Variants in FAM110C observed in about 807,000 individuals in gnomAD.
FAM110C encodes the protein family with sequence similarity 110 member C, also known as protein FAM110C.
Under a neutral mutation model 15.7 loss-of-function variants are expected in FAM110C, and 19 were observed. The ratio of observed to expected loss-of-function variants is 1.21; its 90% confidence interval spans 0.85 to 1.78. The LOEUF (loss-of-function observed/expected upper bound fraction) is 1.78. FAM110C is among the 40% of genes most tolerant of loss of function. FAM110C has a pLI of 0.00. For missense variants in FAM110C, 547 were observed against 495.7 expected (o/e 1.10, Z -0.98); for synonymous variants, 275 against 233.9 (o/e 1.18, Z -1.61).
At chr2:44,405 C>A (rs1664220263) in intron 1 of FAM110C, 1 of 985,294 alleles carries the variant, frequency 1.0e-6, no homozygotes, top group Non-Finnish European at 1.2e-6. Context: ...ATCTCTTGGG[C>A]AGCCTCCCCC....
chr2:45,130 T>G, intron 1 of FAM110C: 1 of 985,432 alleles, frequency 1.0e-6, no homozygotes, highest in Non-Finnish European at 1.2e-6. Context: ...TTTGGATTTC[T>G]CCTGTTTTCA....
chr2:44,887 T>C, intron 1 of FAM110C: 1 of 985,442 alleles, frequency 1.0e-6, no homozygotes, highest in Non-Finnish European at 1.2e-6. Context: ...TACAAGATCC[T>C]GTGGAGAAGT....
intron 1 of FAM110C, chr2:43,272 G>T: frequency 4.1e-6 from 4 of 985,316 alleles, no homozygotes; most frequent in Non-Finnish European, 4.8e-6. Context: ...TAAAAACTGG[G>T]GTAGCTTCTG....
Position 46,374 on chromosome 2 carries a change from C to A in FAM110C, c.12G>T (p.Leu4=). Residue 4 remains leucine, a synonymous_variant, in exon 1 of 2, where the codon CTG becomes CTT. Coordinates refer to ENST00000327669, the MANE Select transcript of FAM110C (RefSeq NM_001077710.3). MRA[L]AALSAPPNER... ...CGTTCGGGGGCGCGCTCAGGGCCGCCAGGGCGCGCATCTTCGCGGGGAATG... is the reference window on the plus strand; with the variant it reads ...CGTTCGGGGGCGCGCTCAGGGCCGCAAGGGCGCGCATCTTCGCGGGGAATG... 1 of 1,297,156 alleles carries A rather than the reference C, an allele frequency of 7.7e-7. No homozygotes were observed. Among genetic ancestry groups the A allele is most frequent in the Non-Finnish European group, 9.8e-7 (1 of 1,024,746 alleles). 80.4% of individuals were successfully genotyped at this position (1,297,156 alleles called of 1,614,324 possible). A position where few individuals can be genotyped will look rare whatever the true frequency, so the allele number is the denominator to read the frequency against.
chr2:44,782 C>T (rs1664230677), intron 1 of FAM110C: 1 of 985,348 alleles, frequency 1.0e-6, no homozygotes, highest in Non-Finnish European at 1.2e-6. Context: ...CAATCTAGTC[C>T]AATTTCCCCA....
rs1184705810 is a variant in FAM110C at position 41,561 on chromosome 2, G to A, written c.*47C>T. On this transcript the variant is annotated 3_prime_UTR_variant, in exon 2 of 2. Coordinates refer to ENST00000327669, the MANE Select transcript of FAM110C (RefSeq NM_001077710.3). The stretch of plus-strand genomic sequence containing the variant: ...GGTCACCTAGGCACACTAGCCAAAT[G>A]GTCCTGGGATCCCAAATCACCCATG... 3.7e-6 allele frequency: 6 copies of A among 1,610,474 alleles called. No homozygotes were observed. Among genetic ancestry groups the A allele is most frequent in the Non-Finnish European group, 4.2e-6 (5 of 1,178,334 alleles).
At position 41,530 on chromosome 2, in the gene FAM110C, T is replaced by C. The variant is rs931845776; in HGVS notation, c.*78A>G. On this transcript the variant is annotated 3_prime_UTR_variant, in exon 2 of 2. Coordinates refer to ENST00000327669, the MANE Select transcript of FAM110C (RefSeq NM_001077710.3). Reference sequence around the variant, plus strand: ...TGCTGCATTCCTGGTAAAACAGCAATCATGTGGTCACCTAGGCACACTAGC... The same window carrying C: ...TGCTGCATTCCTGGTAAAACAGCAACCATGTGGTCACCTAGGCACACTAGC... 3.3e-6 allele frequency: 5 copies of C among 1,529,074 alleles called. No individual in the cohort carries two copies. The African/African-American group carries it at 6.9e-5, about 21-fold the overall frequency. The allele number at this position is 1,529,074 out of a possible 1,614,324, so 94.7% of individuals were successfully genotyped here. A position where few individuals can be genotyped will look rare whatever the true frequency, so the allele number is the denominator to read the frequency against.
chr2:45,238 G>T (rs2103272326), intron 1 of FAM110C: 1 of 985,438 alleles, frequency 1.0e-6, no homozygotes, highest in South Asian at 4.7e-5. Flanking sequence ...CAGGTGCCTG[G>T]ATTGGTACCT....
At chr2:42,168 G>A in intron 1 of FAM110C, 3 of 985,396 alleles carry the variant, frequency 3.0e-6, no homozygotes, top group Non-Finnish European at 3.6e-6. Flanking sequence ...AAAGAAGAAA[G>A]GAAAAGAAAG....
At position 39,688 on chromosome 2, in the gene FAM110C, C is replaced by A. The variant is rs535926700; in HGVS notation, c.*1920G>T. On this transcript the variant is annotated 3_prime_UTR_variant, in exon 2 of 2. Coordinates refer to ENST00000327669, the MANE Select transcript of FAM110C (RefSeq NM_001077710.3). ...AACCATTTGGTTTTTACATTTTTCA[C>A]CTATGATATGAATGATGAGTCTGCA... The A allele has an allele frequency of 9.2e-5, 14 of 152,242 alleles. No individual in the cohort carries two copies. The East Asian group carries it at 2.5e-3, about 27-fold the overall frequency. 9.4% of individuals were successfully genotyped at this position (152,242 alleles called of 1,614,324 possible).
At chr2:43,606 T>G in intron 1 of FAM110C, 1 of 985,476 alleles carries the variant, frequency 1.0e-6, no homozygotes, top group Non-Finnish European at 1.2e-6. Flanking sequence ...GGTCACTCTT[T>G]TGACATTGGC....
rs940354272 is a variant in FAM110C at position 41,580 on chromosome 2, A to G, written c.*28T>C. 3.1e-6 allele frequency: 5 copies of G among 1,613,550 alleles called. No homozygotes were observed. Among genetic ancestry groups the G allele is most frequent in the Non-Finnish European group, 4.2e-6 (5 of 1,179,808 alleles). On this transcript the variant is annotated 3_prime_UTR_variant, in exon 2 of 2. Transcript: ENST00000327669. ...CCAAATGGTCCTGGGATCCCAAATC[A>G]CCCATGAAATCCTTCAAGAAGTCTT...
rs1185720605 is a variant in FAM110C at position 40,254 on chromosome 2, A to G, written c.*1354T>C. On this transcript the variant is annotated 3_prime_UTR_variant, in exon 2 of 2. Transcript: ENST00000327669. ...TAAAAATAAATATCTAAGTAACCCAATGACCTACTCTCACGGTAAAATAGT... is the reference window on the plus strand; with the variant it reads ...TAAAAATAAATATCTAAGTAACCCAGTGACCTACTCTCACGGTAAAATAGT... 6.6e-6 allele frequency: 1 copy of G among 152,244 alleles called. No individual in the cohort carries two copies. Among genetic ancestry groups the G allele is most frequent in the Non-Finnish European group, 1.5e-5 (1 of 68,044 alleles). 9.4% of individuals were successfully genotyped at this position (152,244 alleles called of 1,614,324 possible). A position where few individuals can be genotyped will look rare whatever the true frequency, so the allele number is the denominator to read the frequency against.
intron 1 of FAM110C, chr2:42,439 G>T: frequency 2.0e-6 from 1 of 496,128 alleles, no homozygotes; most frequent in Non-Finnish European, 2.6e-6. Flanking sequence ...AAACCAGAAA[G>T]ATCTAAATTT....
In FAM110C at chr2:43,268, C is replaced by A. The variant is rs1299953325; in HGVS notation, c.947-1641G>T. ...GGTGACTGCCAATTCCATATAAAAACTGGGGTAGCTTCTGTGGGACTGTAC... is the reference window on the plus strand; with the variant it reads ...GGTGACTGCCAATTCCATATAAAAAATGGGGTAGCTTCTGTGGGACTGTAC... On this transcript the variant is annotated intron_variant, in intron 1 of 1. Coordinates refer to ENST00000327669, the MANE Select transcript of FAM110C (RefSeq NM_001077710.3). 6 of 985,258 alleles carry A rather than the reference C, an allele frequency of 6.1e-6. No homozygotes were observed. The African/African-American group carries it at 1.0e-4, about 17-fold the overall frequency. 61.0% of individuals were successfully genotyped at this position (985,258 alleles called of 1,614,324 possible).
At position 41,536 on chromosome 2, in the gene FAM110C, G is replaced by A; in HGVS notation, c.*72C>T. 1.9e-6 allele frequency: 3 copies of A among 1,546,004 alleles called. No individual in the cohort carries two copies. The highest frequency in any genetic ancestry group is 2.7e-6 in the Non-Finnish European group (3 of 1,130,484). The stretch of plus-strand genomic sequence containing the variant: ...ATTCCTGGTAAAACAGCAATCATGT[G>A]GTCACCTAGGCACACTAGCCAAATG... On this transcript the variant is annotated 3_prime_UTR_variant, in exon 2 of 2. Transcript: ENST00000327669.
At chr2:41,670 A>C (rs753528894) in intron 1 of FAM110C, 43 bp from the exon 2 acceptor site, 1 of 1,612,266 alleles carries the variant, frequency 6.2e-7, no homozygotes, top group Non-Finnish European at 8.5e-7. Context: ...TCCAGTCTAG[A>C]CAAAAGTTAG....
At position 46,186 on chromosome 2, in the gene FAM110C, G is replaced by A. The variant is rs1230301347; in HGVS notation, c.200C>T (p.Ala67Val). ...AGGGTCGTTCCCCGGGCACTTGATC[G>A]CCCCCGGGCCGCTGCCCTCGGAAGC... ...GVASEGSGPG[A>V]IKCPGNDPGP... The change falls in exon 1 of 2, where the codon GCG (alanine) becomes GTG (valine). Residue 67 changes from alanine (A) to valine (V), a missense_variant. Ala to Val is a moderately conservative substitution (Grantham distance 64). Transcript: ENST00000327669. 2 of 1,375,068 alleles carry A rather than the reference G, an allele frequency of 1.5e-6. No individual in the cohort carries two copies. Among genetic ancestry groups the A allele is most frequent in the Non-Finnish European group, 1.9e-6 (2 of 1,071,170 alleles). 85.2% of individuals were successfully genotyped at this position (1,375,068 alleles called of 1,614,324 possible).
Position 45,735 on chromosome 2 carries a change from G to C in FAM110C, c.651C>G (p.Thr217=). The change falls in exon 1 of 2, where the codon ACC becomes ACG. Residue 217 remains threonine (T), a synonymous_variant. Coordinates refer to ENST00000327669, the MANE Select transcript of FAM110C (RefSeq NM_001077710.3). ...RYSAALAESD[T]FFQYCGLDPE... is the part of the protein sequence containing the mutation. ...GGTCCAGGCCGCAGTACTGGAAGAA[G>C]GTGTCAGACTCGGCCAAGGCAGCGG... 1.3e-6 allele frequency: 2 copies of C among 1,598,182 alleles called. No homozygotes were observed. The highest frequency in any genetic ancestry group is 1.1e-5 in the South Asian group (1 of 89,170).
Sources: gnomAD v4.1 joint callset for allele counts on GRCh38, gnomAD v4.1.1 for gene constraint, MANE v1.5 for transcripts, NCBI Gene and HGNC (gene_info 2026-07-23, HGNC 2026-07-21) for gene names.